The following CWC27 variants were observed in gnomAD, a reference collection of about 807,000 sequenced individuals.
CWC27 encodes spliceosome-associated protein CWC27 homolog.
In CWC27, 47 loss-of-function variants were observed where a neutral mutation model predicts 63.6. The ratio of observed to expected loss-of-function variants is 0.74; its 90% CI spans 0.58 to 0.94. The LOEUF (loss-of-function observed/expected upper bound fraction) is 0.94, where lower values mean the gene tolerates loss of function less well. Among genes scored for constraint, CWC27 ranks in the 40% least tolerant of loss-of-function variants. CWC27 has a pLI of 0.00. For missense variants in CWC27, 495 were observed against 554.3 expected, an observed-to-expected ratio of 0.89 and a Z score of 1.07; for synonymous variants, 175 against 179.8, an observed-to-expected ratio of 0.97 and a Z score of 0.22.
intron 10 of CWC27, among the ~76,000 whole-genome samples, chr5:64,847,706 A>C (rs1327528013): frequency 1.3e-5 from 2 of 152,208 alleles, no homozygotes; most frequent in East Asian, 3.8e-4. Context: ...ATGAAGGTAG[A>C]AATCAATAAC....
chr5:64,900,656 G>GT (rs554691314), intron 11 of CWC27, among the ~76,000 whole-genome samples: 200 of 146,024 alleles, frequency 1.4e-3, no homozygotes, highest in Non-Finnish European at 1.2e-3. Context: ...TCTTCTATGT[G>GT]TTTTTTTTTT....
intron 11 of CWC27, among the ~76,000 whole-genome samples, chr5:64,949,833 C>T (rs1748670809): frequency 6.6e-6 from 1 of 151,968 alleles, no homozygotes; most frequent in South Asian, 2.1e-4. Flanking sequence ...AGATTCCTGT[C>T]CTGATACTCT....
chr5:64,949,607 G>C (rs1580744608), intron 11 of CWC27, among the ~76,000 whole-genome samples: 1 of 151,878 alleles, frequency 6.6e-6, no homozygotes. Flanking sequence ...AGTCCTTTGC[G>C]TGGTATGCAA....
chr5:64,857,860 G>A (rs1580679015), intron 10 of CWC27, among the ~76,000 whole-genome samples: 3 of 152,144 alleles, frequency 2.0e-5, no homozygotes, highest in East Asian at 1.9e-4. Flanking sequence ...AATAGGGGCC[G>A]GGCGCGGTGG....
chr5:65,000,053 A>T (rs1461922793), intron 13 of CWC27, among the ~76,000 whole-genome samples: 1 of 152,062 alleles, frequency 6.6e-6, no homozygotes, highest in Admixed American at 6.6e-5. Context: ...ATGAGATCTC[A>T]CTGTGGCTTT....
At chr5:64,991,498 G>T (rs1167205384) in intron 13 of CWC27, among the ~76,000 whole-genome samples, 1 of 152,222 alleles carries the variant, frequency 6.6e-6, no homozygotes, top group African/African-American at 2.4e-5. Flanking sequence ...GCTGAGATGG[G>T]AGGACCACTT....
At chr5:64,828,113 C>G (rs1745414692) in intron 10 of CWC27, among the ~76,000 whole-genome samples, 1 of 151,920 alleles carries the variant, frequency 6.6e-6, no homozygotes, top group Admixed American at 6.6e-5. Context: ...TATGTATTCT[C>G]TAATAATTTT....
intron 7 of CWC27, among the ~76,000 whole-genome samples, chr5:64,789,430 A>G (rs1395931420): frequency 1.3e-5 from 2 of 152,124 alleles, no homozygotes; most frequent in Non-Finnish European, 2.9e-5. Flanking sequence ...TTCTCATTAC[A>G]GCCCTTTGAG....
intron 10 of CWC27, among the ~76,000 whole-genome samples, chr5:64,814,713 GA>G (rs1744978437): frequency 6.6e-6 from 1 of 152,190 alleles, no homozygotes; most frequent in South Asian, 2.1e-4. Flanking sequence ...TCCAGCTAAA[GA>G]AAGACTGACA....
At position 64,818,460 on chromosome 5, in the gene CWC27, A is replaced by G. The variant is rs370330256; in HGVS notation, c.938+14074A>G. Among the ~76,000 whole-genome samples, 160 of 152,270 alleles carry G rather than the reference A, an allele frequency of 1.1e-3. 1 individual carries two copies. Among genetic ancestry groups the G allele is most frequent in the African/African-American group, 3.5e-3 (144 of 41,572 alleles). On this transcript the variant is annotated intron_variant, in intron 10 of 13. Coordinates refer to ENST00000381070, the MANE Select transcript of CWC27 (RefSeq NM_005869.4). ...TCCGGATATGCTTTTTTTGCTCACA[A>G]TATTGACAGTAACTTGAAATATTTT...
rs530418753 is a variant in CWC27 at position 64,861,355 on chromosome 5, A to G, written c.939-24088A>G. ...TCAGATATATATATATATAAAACCA[A>G]TCTTCTCTATTATAGAGTTATGTTT... On this transcript the variant is annotated intron_variant, in intron 10 of 13. Transcript: ENST00000381070. Among the ~76,000 whole-genome samples the G allele has an allele frequency of 6.6e-5, 10 of 151,904 alleles. No homozygotes were observed. The South Asian group carries it at 1.9e-3, about 28-fold the overall frequency.
intron 10 of CWC27, among the ~76,000 whole-genome samples, chr5:64,821,797 G>A (rs1471800557): frequency 2.6e-5 from 4 of 152,084 alleles, no homozygotes; most frequent in Non-Finnish European, 4.4e-5. Context: ...GGCAATATAG[G>A]ATTTAAACAC....
intron 10 of CWC27, among the ~76,000 whole-genome samples, chr5:64,872,728 A>G (rs1746700974): frequency 6.6e-6 from 1 of 152,212 alleles, no homozygotes; most frequent in Non-Finnish European, 1.5e-5. Context: ...GTTACCAAGT[A>G]TGGCTTTCAC....
At chr5:64,861,392 G>T (rs553992455) in intron 10 of CWC27, among the ~76,000 whole-genome samples, 1 of 151,774 alleles carries the variant, frequency 6.6e-6, no homozygotes, top group East Asian at 1.9e-4. Context: ...TTCTTAGCAG[G>T]TATCTCATGG....
chr5:64,916,066 T>C (rs1428684584), intron 11 of CWC27, among the ~76,000 whole-genome samples: 2 of 152,364 alleles, frequency 1.3e-5, no homozygotes, highest in East Asian at 3.9e-4. Context: ...CATTTTCTTA[T>C]ACCTTTGGCT....
chr5:64,912,628 C>T (rs192898855), intron 11 of CWC27, among the ~76,000 whole-genome samples: 286 of 152,200 alleles, frequency 1.9e-3, no homozygotes, highest in African/African-American at 6.6e-3. Context: ...TATTGATAAA[C>T]TCTTAATGAG....
chr5:64,774,667 T>C (rs1280033972), intron 1 of CWC27, 24 bp from the exon 2 acceptor site: 2 of 1,361,384 alleles, frequency 1.5e-6, no homozygotes, highest in Non-Finnish European at 2.0e-6. Context: ...AATAATTTAA[T>C]AAAATGTAAT....
At chr5:65,017,204 C>T (rs1344189014) in intron 13 of CWC27, among the ~76,000 whole-genome samples, 3 of 151,952 alleles carry the variant, frequency 2.0e-5, no homozygotes, top group Non-Finnish European at 2.9e-5. Context: ...CTCTGTAGTC[C>T]CAGCTACTTG....
chr5:64,801,836 T>A (rs1354401284), intron 9 of CWC27, among the ~76,000 whole-genome samples: 1 of 152,220 alleles, frequency 6.6e-6, no homozygotes, highest in Non-Finnish European at 1.5e-5. Flanking sequence ...TTTCCTTTAA[T>A]ACATAAGAGT....
Sources: gnomAD v4.1 joint callset for allele counts (sites outside exome capture counted in the v4.1 genomes callset) on GRCh38, gnomAD v4.1.1 for gene constraint, MANE v1.5 for transcripts, NCBI Gene and HGNC (gene_info 2026-07-23, HGNC 2026-07-21) for gene names.